Variants in RIMS1 observed in about 807,000 individuals in gnomAD.
The protein encoded by RIMS1 is regulating synaptic membrane exocytosis protein 1.
In RIMS1, 83 loss-of-function variants were observed where a neutral mutation model predicts 214.1. That is an observed-to-expected ratio of 0.39 (90% CI 0.32 to 0.47). RIMS1 has a LOEUF of 0.47. RIMS1 is among the 20% of genes least tolerant of loss of function. The probability of loss-of-function intolerance (pLI) is 0.99; values close to 1 mark genes in which losing one functional copy is unlikely to be tolerated. For missense variants in RIMS1, 2,050 were observed against 2,161.8 expected, an observed-to-expected ratio of 0.95 and a Z score of 1.03; for synonymous variants, 793 against 786.8, an observed-to-expected ratio of 1.01 and a Z score of -0.13.
intron 16 of RIMS1, among the ~76,000 whole-genome samples, chr6:72,254,397 A>G (rs1025785627): frequency 2.6e-5 from 4 of 152,176 alleles, no homozygotes; most frequent in South Asian, 2.1e-4. Flanking sequence ...AAAATGTAAC[A>G]TCATATTAGT....
intron 8 of RIMS1, among the ~76,000 whole-genome samples, chr6:72,236,374 C>A (rs1295550477): frequency 6.6e-6 from 1 of 152,120 alleles, no homozygotes; most frequent in Non-Finnish European, 1.5e-5. Flanking sequence ...TGGTAAATTG[C>A]TTCCCAAAGG....
chr6:71,985,819 A>G (rs1256205278), intron 2 of RIMS1, among the ~76,000 whole-genome samples: 1 of 152,144 alleles, frequency 6.6e-6, no homozygotes, highest in African/African-American at 2.4e-5. Flanking sequence ...TATGTCTGAG[A>G]CATACATGTA....
intron 29 of RIMS1, among the ~76,000 whole-genome samples, chr6:72,389,539 T>G (rs2098668579): frequency 6.6e-6 from 1 of 152,204 alleles, no homozygotes; most frequent in Non-Finnish European, 1.5e-5. Flanking sequence ...TTCAAATGGC[T>G]TATCTAAGAG....
chr6:72,301,887 A>G (rs2094643644), intron 26 of RIMS1, among the ~76,000 whole-genome samples: 1 of 151,666 alleles, frequency 6.6e-6, no homozygotes, highest in South Asian at 2.1e-4. Flanking sequence ...GTGGTGTAAA[A>G]TACAACTGGT....
chr6:72,230,431 G>C (rs1453679461), intron 6 of RIMS1, among the ~76,000 whole-genome samples: 8 of 151,592 alleles, frequency 5.3e-5, no homozygotes. Flanking sequence ...GAGCTGTCAT[G>C]TAAATTGCTA....
At position 71,887,065 on chromosome 6, in the gene RIMS1, G is replaced by C. The variant is rs1240563532; in HGVS notation, c.42G>C (p.Thr14=). The change falls in exon 1 of 34, where the codon ACG becomes ACC. Residue 14 remains threonine, a synonymous_variant. Transcript: ENST00000521978. The stretch of plus-strand genomic sequence containing the variant: ...GGCCCCGCGGTCCTCGCCCACCCAC[G>C]GTGCCTCCCCCCATGCAAGAGCTGC... ...AVGPRGPRPP[T]VPPPMQELPD... 3.1e-6 allele frequency: 5 copies of C among 1,613,506 alleles called. No homozygotes were observed. Among genetic ancestry groups the C allele is most frequent in the Non-Finnish European group, 3.4e-6 (4 of 1,179,708 alleles).
At chr6:72,059,587 A>G (rs555618405) in intron 2 of RIMS1, among the ~76,000 whole-genome samples, 10 of 152,222 alleles carry the variant, frequency 6.6e-5, no homozygotes, top group South Asian at 6.2e-4. Flanking sequence ...GTTAACTACT[A>G]TGTATTAAAA....
chr6:72,100,524 A>G (rs1356281811), intron 4 of RIMS1, among the ~76,000 whole-genome samples: 1 of 151,836 alleles, frequency 6.6e-6, no homozygotes, highest in Non-Finnish European at 1.5e-5. Context: ...AGGAGAGTAA[A>G]AGGTCACTTT....
In RIMS1 at chr6:72,361,263, G is replaced by A. The variant is rs543522958; in HGVS notation, c.4366+27428G>A. Among the ~76,000 whole-genome samples, 14 of 151,248 alleles carry A rather than the reference G, an allele frequency of 9.3e-5. No homozygotes were observed. In the South Asian group the frequency reaches 1.9e-3, roughly 20 times the overall value. Reference sequence around the variant, plus strand: ...TGGGATTACAGGCACATGCCGCCACGCCCTGCTTTTTTTTGTATTTTTAGT... The same window carrying A: ...TGGGATTACAGGCACATGCCGCCACACCCTGCTTTTTTTTGTATTTTTAGT... On this transcript the variant is annotated intron_variant, in intron 29 of 33. Coordinates refer to ENST00000521978, the MANE Select transcript of RIMS1 (RefSeq NM_014989.7).
chr6:72,274,327 G>C lies in RIMS1; in HGVS notation c.3399-22G>C, dbSNP rs374024367. 2.6e-6 allele frequency: 4 copies of C among 1,566,912 alleles called. No homozygotes were observed. The East Asian group carries it at 9.0e-5, about 35-fold the overall frequency. ...GTTACTAAATGTCCTGTTTTTTCCT[G>C]TCTTGTTCACTGGGCAAACAGGGGT... On this transcript the variant is annotated intron_variant, in intron 22 of 33. Transcript: ENST00000521978.
chr6:72,322,168 C>T (rs1227533136), intron 28 of RIMS1, among the ~76,000 whole-genome samples: 1 of 151,990 alleles, frequency 6.6e-6, no homozygotes, highest in Non-Finnish European at 1.5e-5. Context: ...TTAAAAAGTC[C>T]AATGAAAAAT....
chr6:72,329,223 G>A (rs933002326), intron 28 of RIMS1, among the ~76,000 whole-genome samples: 1 of 151,808 alleles, frequency 6.6e-6, no homozygotes, highest in Non-Finnish European at 1.5e-5. Flanking sequence ...TCATTTAAGT[G>A]TCTTTGGTGG....
At chr6:72,083,908 A>ACTAT in intron 2 of RIMS1, among the ~76,000 whole-genome samples, 1 of 152,328 alleles carries the variant, frequency 6.6e-6, no homozygotes, top group East Asian at 1.9e-4. Flanking sequence ...TTATGCCTGA[A>ACTAT]CTATTATATT....
intron 4 of RIMS1, among the ~76,000 whole-genome samples, chr6:72,122,351 C>A (rs1040198947): frequency 1.3e-5 from 2 of 151,342 alleles, no homozygotes; most frequent in African/African-American, 4.8e-5. Flanking sequence ...ACTACAGGTG[C>A]CTGCCACTGC....
Position 72,265,108 on chromosome 6 carries a change from C to T in RIMS1, c.3194+56C>T, listed in dbSNP as rs2079868729. The T allele has an allele frequency of 1.9e-5, 18 of 964,916 alleles. No individual in the cohort carries two copies. In the East Asian group the frequency reaches 4.9e-4, roughly 26 times the overall value. 59.8% of individuals were successfully genotyped at this position (964,916 alleles called of 1,614,324 possible). ...TTATAAAGTAATTCCTAATCCCTTG[C>T]CTACTAAAAATAGAAAATTCACATT... On this transcript the variant is annotated intron_variant, in intron 20 of 33. Coordinates refer to ENST00000521978, the MANE Select transcript of RIMS1 (RefSeq NM_014989.7).
chr6:72,018,639 C>T (rs561995036), intron 2 of RIMS1, among the ~76,000 whole-genome samples: 22 of 152,178 alleles, frequency 1.4e-4, no homozygotes, highest in African/African-American at 4.8e-4. Flanking sequence ...GAGAAAATAG[C>T]AATGATCCCA....
intron 6 of RIMS1, among the ~76,000 whole-genome samples, chr6:72,219,695 C>G (rs1397905975): frequency 6.6e-6 from 1 of 151,462 alleles, no homozygotes. Flanking sequence ...GTTTTTGTTA[C>G]AAGAGGCTGT....
At chr6:71,922,070 T>G (rs1780172590) in intron 1 of RIMS1, among the ~76,000 whole-genome samples, 1 of 152,224 alleles carries the variant, frequency 6.6e-6, no homozygotes, top group African/African-American at 2.4e-5. Context: ...CTGTTCTTAT[T>G]TCCACATAGT....
chr6:71,957,558 A>G (rs994645386), intron 1 of RIMS1, among the ~76,000 whole-genome samples: 1 of 143,976 alleles, frequency 6.9e-6, no homozygotes, highest in Admixed American at 6.8e-5. Flanking sequence ...AAACCCTCTG[A>G]TGTTTTTCTA....
Sources: gnomAD v4.1 joint callset for allele counts (sites outside exome capture counted in the v4.1 genomes callset) on GRCh38, gnomAD v4.1.1 for gene constraint, MANE v1.5 for transcripts, NCBI Gene and HGNC (gene_info 2026-07-23, HGNC 2026-07-21) for gene names.